Variants in MYRIP observed in about 807,000 individuals in gnomAD.
MYRIP encodes the protein myosin VIIA and Rab interacting protein.
Under a neutral mutation model 98.0 loss-of-function variants are expected in MYRIP, and 49 were observed. The ratio of observed to expected loss-of-function variants is 0.50; its 90% confidence interval spans 0.40 to 0.63. MYRIP has a LOEUF of 0.63. Ranked by LOEUF, MYRIP falls within the 30% of genes least tolerant of loss-of-function variation. The pLI, the probability that MYRIP is intolerant of heterozygous loss-of-function variation, is 0.00. For missense variants in MYRIP, 1,004 were observed against 1,058.2 expected, an observed-to-expected ratio of 0.95 and a Z score of 0.71; for synonymous variants, 404 against 409.5, an observed-to-expected ratio of 0.99 and a Z score of 0.16.
intron 2 of MYRIP, among the ~76,000 whole-genome samples, chr3:39,997,208 A>G (rs1946382010): frequency 6.6e-6 from 1 of 152,106 alleles, no homozygotes; most frequent in Non-Finnish European, 1.5e-5. Flanking sequence ...GGAAATAGAG[A>G]CACAAAAAAC....
rs1950108560 is a variant in MYRIP at position 40,151,112 on chromosome 3, G to A, written c.397G>A (p.Gly133Ser). Residue 133 changes from glycine to serine, a missense_variant, in exon 4 of 17, where the codon GGC becomes AGC. This residue lies in a region of MYRIP where 880 missense variants were observed against 907.7 expected (regional missense o/e 0.97). Coordinates refer to ENST00000302541, the MANE Select transcript of MYRIP (RefSeq NM_015460.4). ...NNVKSRFKRF[G>S]SAKVLKNLYR... ...TGTGAAGAGCCGCTTCAAGCGCTTT[G>A]GCAGTGCCAAGGTTCTGAAGAACCT... is the stretch of plus-strand genomic sequence containing the variant. 6.2e-7 allele frequency: 1 copy of A among 1,611,222 alleles called. No individual in the cohort carries two copies. The highest frequency in any genetic ancestry group is 8.5e-7 in the Non-Finnish European group (1 of 1,178,642).
chr3:40,003,125 CTG>C (rs1304634063), intron 2 of MYRIP, among the ~76,000 whole-genome samples: 2 of 151,380 alleles, frequency 1.3e-5, no homozygotes, highest in Non-Finnish European at 2.9e-5. Flanking sequence ...CTATTTATAT[CTG>C]TATATCTATA....
chr3:39,997,222 T>C (rs2125780161), intron 2 of MYRIP, among the ~76,000 whole-genome samples: 1 of 151,822 alleles, frequency 6.6e-6, no homozygotes, highest in South Asian at 2.1e-4. Context: ...AAAAAACCCT[T>C]CAAAAAATCA....
At chr3:40,162,289 A>G (rs1950412207) in intron 4 of MYRIP, among the ~76,000 whole-genome samples, 1 of 152,154 alleles carries the variant, frequency 6.6e-6, no homozygotes, top group Admixed American at 6.5e-5. Flanking sequence ...AGCTTTGCTC[A>G]TCAGTGTACC....
chr3:40,156,667 C>G (rs1358820829), intron 4 of MYRIP, among the ~76,000 whole-genome samples: 1 of 150,670 alleles, frequency 6.6e-6, no homozygotes, highest in African/African-American at 2.4e-5. Flanking sequence ...CTTTTATTTC[C>G]TTGAGCAGTG....
chr3:40,149,124 G>C (rs1950065865), intron 3 of MYRIP, among the ~76,000 whole-genome samples: 1 of 152,218 alleles, frequency 6.6e-6, no homozygotes, highest in Admixed American at 6.5e-5. Context: ...ATAAAGAAAA[G>C]AGGTTTGTTT....
intron 2 of MYRIP, among the ~76,000 whole-genome samples, chr3:39,921,232 G>T (rs1944295403): frequency 6.6e-6 from 1 of 152,204 alleles, no homozygotes; most frequent in Non-Finnish European, 1.5e-5. Flanking sequence ...TCTAAATGTA[G>T]ATTCTTAGTC....
At chr3:40,203,139 C>T (rs1951618169) in intron 10 of MYRIP, among the ~76,000 whole-genome samples, 1 of 151,864 alleles carries the variant, frequency 6.6e-6, no homozygotes, top group Non-Finnish European at 1.5e-5. Context: ...ACCATGCTGG[C>T]CAGGATGGTC....
At chr3:39,906,673 C>T (rs146240433) in intron 2 of MYRIP, among the ~76,000 whole-genome samples, 1 of 152,222 alleles carries the variant, frequency 6.6e-6, no homozygotes, top group Non-Finnish European at 1.5e-5. Flanking sequence ...GCACCTATGC[C>T]ACATTTAAGT....
At chr3:39,944,024 C>A (rs1335908578) in intron 2 of MYRIP, among the ~76,000 whole-genome samples, 1 of 151,864 alleles carries the variant, frequency 6.6e-6, no homozygotes, top group African/African-American at 2.4e-5. Context: ...GTCCACAAAA[C>A]CAATCAAAAA....
chr3:39,993,365 C>A (rs935988612), intron 2 of MYRIP, among the ~76,000 whole-genome samples: 1 of 152,192 alleles, frequency 6.6e-6, no homozygotes, highest in African/African-American at 2.4e-5. Flanking sequence ...CAAACCATAG[C>A]AATTTGCATT....
intron 1 of MYRIP, among the ~76,000 whole-genome samples, chr3:39,828,697 T>C (rs1332403656): frequency 1.3e-5 from 2 of 152,158 alleles, no homozygotes; most frequent in Non-Finnish European, 2.9e-5. Context: ...TCCTCATAGC[T>C]TAGCTCCCAC....
chr3:39,912,746 A>C (rs1188717926), intron 2 of MYRIP, among the ~76,000 whole-genome samples: 1 of 152,208 alleles, frequency 6.6e-6, no homozygotes, highest in Admixed American at 6.5e-5. Flanking sequence ...TATCAACTAA[A>C]GGTAAATTCT....
At chr3:40,185,087 T>C (rs1242917394) in intron 9 of MYRIP, among the ~76,000 whole-genome samples, 1 of 152,120 alleles carries the variant, frequency 6.6e-6, no homozygotes, top group Non-Finnish European at 1.5e-5. Flanking sequence ...AAACATCAAA[T>C]AGAAGCGTTC....
At chr3:39,825,609 T>C (rs1030003518) in intron 1 of MYRIP, among the ~76,000 whole-genome samples, 2 of 152,186 alleles carry the variant, frequency 1.3e-5, no homozygotes, top group African/African-American at 4.8e-5. Context: ...GATTTTTACA[T>C]CTATATTTAT....
intron 1 of MYRIP, among the ~76,000 whole-genome samples, chr3:39,824,964 C>T (rs771415898): frequency 1.8e-4 from 28 of 152,140 alleles, no homozygotes; most frequent in Non-Finnish European, 3.5e-4. Context: ...GTGATCCTTC[C>T]ACCTTGTATT....
intron 5 of MYRIP, 106 bp downstream of exon 5, chr3:40,162,916 C>A (rs1950427806): frequency 2.1e-6 from 2 of 962,152 alleles, no homozygotes; most frequent in South Asian, 1.4e-5. Context: ...ACCCCAGATG[C>A]AACTATCTAC....
chr3:39,827,624 CT>C (rs971078510), intron 1 of MYRIP, among the ~76,000 whole-genome samples: 17 of 151,966 alleles, frequency 1.1e-4, no homozygotes, highest in African/African-American at 4.1e-4. Flanking sequence ...GGATTGGTTC[CT>C]TTTTTTTCTT....
At chr3:39,935,489 T>G (rs1026022366) in intron 2 of MYRIP, among the ~76,000 whole-genome samples, 1 of 152,150 alleles carries the variant, frequency 6.6e-6, no homozygotes, top group East Asian at 1.9e-4. Context: ...GCCATTGTTC[T>G]GCAGGAAGCA....
Sources: gnomAD v4.1 joint callset for allele counts (sites outside exome capture counted in the v4.1 genomes callset) on GRCh38, gnomAD v4.1.1 for gene constraint, gnomAD v4.1.1 regional missense constraint, MANE v1.5 for transcripts, NCBI Gene and HGNC (gene_info 2026-07-23, HGNC 2026-07-21) for gene names.